The following MAP2 variants were observed in gnomAD, a reference collection of about 807,000 sequenced individuals.
MAP2 encodes the protein microtubule-associated protein 2.
Under a neutral mutation model 137.6 loss-of-function variants are expected in MAP2, and 14 were observed. The observed-to-expected ratio is 0.10, with a 90% CI of 0.07 to 0.16. MAP2 has a LOEUF of 0.16. MAP2 is among the 10% of genes least tolerant of loss of function. The pLI is 1.00. For synonymous variants in MAP2, 786 were observed against 782.3 expected (o/e 1.00, Z -0.08); for missense variants, 2,088 against 2,191.5 (o/e 0.95, Z 0.94).
intron 13 of MAP2, 84 bp from the exon 14 acceptor site, chr2:209,725,625 G>A: frequency 2.8e-6 from 2 of 723,810 alleles, no homozygotes; most frequent in East Asian, 3.0e-5. Flanking sequence ...TGTGACTTTG[G>A]GTGTGTTTCT....
chr2:209,705,837 T>A, intron 12 of MAP2, 110 bp downstream of exon 12: 1 of 959,008 alleles, frequency 1.0e-6, no homozygotes, highest in Non-Finnish European at 1.5e-6. Context: ...GCATTAAGAC[T>A]AGATTATATT....
chr2:209,609,043 G>A (rs1238944213), intron 3 of MAP2, among the ~76,000 whole-genome samples: 2 of 151,964 alleles, frequency 1.3e-5, no homozygotes, highest in African/African-American at 4.8e-5. Context: ...CCTATACTTT[G>A]TGTTAATTAC....
At chr2:209,542,389 C>G (rs1168859566) in intron 2 of MAP2, among the ~76,000 whole-genome samples, 3 of 152,166 alleles carry the variant, frequency 2.0e-5, no homozygotes, top group Non-Finnish European at 2.9e-5. Context: ...CTTACGGGCC[C>G]TAGGATTTTT....
chr2:209,441,256 G>A (rs1364000931), intron 1 of MAP2, among the ~76,000 whole-genome samples: 5 of 151,426 alleles, frequency 3.3e-5, no homozygotes, highest in African/African-American at 1.2e-4. Flanking sequence ...AAAATAATTT[G>A]CAATAGAAAG....
chr2:209,629,914 G>T (rs559016970), intron 4 of MAP2, among the ~76,000 whole-genome samples: 25 of 152,262 alleles, frequency 1.6e-4, no homozygotes, highest in African/African-American at 6.0e-4. Context: ...GATTGTTTGG[G>T]CTGGAATTCT....
intron 5 of MAP2, among the ~76,000 whole-genome samples, chr2:209,656,466 G>A (rs1220827981): frequency 6.6e-6 from 1 of 151,892 alleles, no homozygotes; most frequent in Non-Finnish European, 1.5e-5. Flanking sequence ...GCTGTGATCA[G>A]GCCACTGCAC....
intron 1 of MAP2, among the ~76,000 whole-genome samples, chr2:209,490,156 G>C (rs2149968143): frequency 6.6e-6 from 1 of 152,248 alleles, no homozygotes; most frequent in East Asian, 1.9e-4. Context: ...TTTCAACCCA[G>C]AATTTCATAG....
chr2:209,435,929 TTATATATATAATA>T (rs1343776034), intron 1 of MAP2, among the ~76,000 whole-genome samples: 14 of 82,382 alleles, frequency 1.7e-4, no homozygotes, highest in Non-Finnish European at 3.3e-4. Context: ...AATATATATA[TTATATATATAATA>T]TATACTATAT....
intron 1 of MAP2, among the ~76,000 whole-genome samples, chr2:209,468,595 C>T (rs1235301962): frequency 3.9e-5 from 6 of 152,050 alleles, no homozygotes; most frequent in South Asian, 2.1e-4. Flanking sequence ...GCTGGGATTA[C>T]GGGCATGAGC....
Position 209,490,714 on chromosome 2 carries a change from G to A in MAP2, c.-221-16878G>A, listed in dbSNP as rs139325040. ...CAAAAAAGACAAAGAAGGACATTAC[G>A]TAATGGTAAAGAGATCAATGCAACA... is the stretch of plus-strand genomic sequence containing the variant. On this transcript the variant is annotated intron_variant, in intron 1 of 15. Coordinates refer to ENST00000682079, the MANE Select transcript of MAP2 (RefSeq NM_001375505.1). Among the ~76,000 whole-genome samples the A allele has an allele frequency of 1.3e-3, 195 of 149,292 alleles. 1 individual carries two copies. Among genetic ancestry groups the A allele is most frequent in the Middle Eastern group, 3.4e-3 (1 of 292 alleles).
intron 3 of MAP2, among the ~76,000 whole-genome samples, chr2:209,622,443 G>A (rs973700463): frequency 6.6e-6 from 1 of 152,092 alleles, no homozygotes; most frequent in Admixed American, 6.6e-5. Flanking sequence ...AAACTCTCTT[G>A]GCCTGTTTTC....
chr2:209,660,704 T>G (rs970219812), intron 5 of MAP2, among the ~76,000 whole-genome samples: 1 of 51,694 alleles, frequency 1.9e-5, no homozygotes, highest in Non-Finnish European at 4.3e-5. Context: ...CTGCTGCAAT[T>G]ATTATTATTA....
chr2:209,505,831 G>T (rs1021089483), intron 1 of MAP2, among the ~76,000 whole-genome samples: 1 of 151,936 alleles, frequency 6.6e-6, no homozygotes, highest in Admixed American at 6.6e-5. Flanking sequence ...ACTTAGTCAG[G>T]CATAGTGGTT....
chr2:209,654,646 C>T (rs2095027297), intron 5 of MAP2, among the ~76,000 whole-genome samples: 1 of 151,976 alleles, frequency 6.6e-6, no homozygotes, highest in African/African-American at 2.4e-5. Context: ...GTATACACAA[C>T]TTTAACAGGG....
At chr2:209,726,784 A>T (rs1331900712) in intron 14 of MAP2, among the ~76,000 whole-genome samples, 1 of 152,152 alleles carries the variant, frequency 6.6e-6, no homozygotes, top group Non-Finnish European at 1.5e-5. Context: ...CTCTGCCTCC[A>T]TAGATATGTA....
At chr2:209,619,954 G>A (rs186098383) in intron 3 of MAP2, among the ~76,000 whole-genome samples, 5 of 152,204 alleles carry the variant, frequency 3.3e-5, no homozygotes, top group South Asian at 2.1e-4. Context: ...GCATTTAAGA[G>A]CCTGTGCTCA....
rs190870275 is a variant in MAP2, at chr2:209,661,477, G to A, written c.262+8045G>A. The A allele has an allele frequency of 1.8e-3, 1,732 of 979,812 alleles. 1 individual carries two copies. The highest frequency in any genetic ancestry group is 2.0e-3 in the Non-Finnish European group (1,632 of 824,836). The allele number at this position is 979,812 out of a possible 1,614,324, so 60.7% of individuals were successfully genotyped here. A position where few individuals can be genotyped will look rare whatever the true frequency, so the allele number is the denominator to read the frequency against. ...CCCTGAGCTCCGCAGAGAGAGGAGTGTGCAGAGCAGAGTTATTTAGCATTC... is the reference window on the plus strand; with the variant it reads ...CCCTGAGCTCCGCAGAGAGAGGAGTATGCAGAGCAGAGTTATTTAGCATTC... On this transcript the variant is annotated intron_variant, in intron 5 of 15. Coordinates refer to ENST00000682079, the MANE Select transcript of MAP2 (RefSeq NM_001375505.1).
intron 5 of MAP2, among the ~76,000 whole-genome samples, chr2:209,674,902 G>A (rs1461601093): frequency 6.6e-6 from 1 of 151,738 alleles, no homozygotes; most frequent in Non-Finnish European, 1.5e-5. Context: ...ATCTGCTGAT[G>A]AGGCTTCCAA....
At chr2:209,590,958 A>G (rs939634410) in intron 3 of MAP2, among the ~76,000 whole-genome samples, 9 of 152,230 alleles carry the variant, frequency 5.9e-5, no homozygotes, top group Non-Finnish European at 2.9e-5. Context: ...TGCATATTAT[A>G]TGCCAAGTAC....
Sources: gnomAD v4.1 joint callset for allele counts (sites outside exome capture counted in the v4.1 genomes callset) on GRCh38, gnomAD v4.1.1 for gene constraint, MANE v1.5 for transcripts, NCBI Gene and HGNC (gene_info 2026-07-23, HGNC 2026-07-21) for gene names.